EZH2: variants seen among roughly 807,000 people sequenced by gnomAD.
EZH2 encodes the protein histone-lysine N-methyltransferase EZH2.
Under a neutral mutation model 98.4 loss-of-function variants are expected in EZH2, and 18 were observed. The ratio of observed to expected loss-of-function variants is 0.18; its 90% confidence interval spans 0.13 to 0.27. The LOEUF (loss-of-function observed/expected upper bound fraction) is 0.27, where lower values mean the gene tolerates loss of function less well. EZH2 is among the 10% of genes least tolerant of loss of function. The pLI, the probability that EZH2 is intolerant of heterozygous loss-of-function variation, is 1.00. For missense variants in EZH2, 470 were observed against 935.1 expected (o/e 0.50, Z 6.49); for synonymous variants, 338 against 312.3 (o/e 1.08, Z -0.87).
intron 1 of EZH2, among the ~76,000 whole-genome samples, chr7:148,861,761 A>G (rs1156767920): frequency 6.6e-6 from 1 of 151,482 alleles, no homozygotes; most frequent in African/African-American, 2.4e-5. Context: ...ACTTGAGCCC[A>G]GGAGTTTCAG....
At chr7:148,812,938 A>G (rs1320608796) in intron 15 of EZH2, among the ~76,000 whole-genome samples, 1 of 152,172 alleles carries the variant, frequency 6.6e-6, no homozygotes, top group African/African-American at 2.4e-5. Context: ...AGAGAACTTC[A>G]ATGTTTTGCC....
At chr7:148,864,500 T>C (rs565341899) in intron 1 of EZH2, among the ~76,000 whole-genome samples, 1 of 151,626 alleles carries the variant, frequency 6.6e-6, no homozygotes, top group African/African-American at 2.4e-5. Flanking sequence ...CTGGACAATA[T>C]GGTGAAACCC....
chr7:148,871,001 C>A (rs1357527300), intron 1 of EZH2, among the ~76,000 whole-genome samples: 1 of 151,726 alleles, frequency 6.6e-6, no homozygotes, highest in Non-Finnish European at 1.5e-5. Context: ...TCTCCTTTTC[C>A]CATTTAACAA....
chr7:148,821,497 A>T (rs1360979896), intron 8 of EZH2, among the ~76,000 whole-genome samples: 1 of 152,044 alleles, frequency 6.6e-6, no homozygotes, highest in African/African-American at 2.4e-5. Flanking sequence ...CATACCACTA[A>T]TTTTTTTTAA....
chr7:148,857,750 CAAAT>C (rs559331887), intron 1 of EZH2, among the ~76,000 whole-genome samples: 42 of 151,462 alleles, frequency 2.8e-4, no homozygotes, highest in East Asian at 2.1e-3. Flanking sequence ...GACTCCGTCC[CAAAT>C]AAATAAATAA....
At chr7:148,822,208 T>G (rs967244393) in intron 8 of EZH2, among the ~76,000 whole-genome samples, 3 of 152,186 alleles carry the variant, frequency 2.0e-5, no homozygotes, top group African/African-American at 7.2e-5. Flanking sequence ...TTCAACTACT[T>G]TTTAAAAAAT....
In EZH2 at chr7:148,807,409, A is replaced by AGTT; in HGVS notation, c.*234_*236dup. The AGTT allele has an allele frequency of 2.0e-6, 1 of 504,312 alleles. No homozygotes were observed. Among genetic ancestry groups the AGTT allele is most frequent in the South Asian group, 3.1e-5 (1 of 32,464 alleles). 31.2% of individuals were successfully genotyped at this position (504,312 alleles called of 1,614,324 possible). A position where few individuals can be genotyped will look rare whatever the true frequency, so the allele number is the denominator to read the frequency against. ...ACAAGTTCAAGTATTCTTTATTCAA[A>AGTT]GTTGAAAAATGTACCATACTGCATT... On this transcript the variant is annotated 3_prime_UTR_variant, in exon 20 of 20. Coordinates refer to ENST00000320356, the MANE Select transcript of EZH2 (RefSeq NM_004456.5).
intron 14 of EZH2, 116 bp downstream of exon 14, chr7:148,814,798 G>A: frequency 8.0e-7 from 1 of 1,247,280 alleles, no homozygotes; most frequent in Non-Finnish European, 1.1e-6. Context: ...TCAAATTGAT[G>A]AGTTTCGTCA....
chr7:148,813,911 C>T (rs377398509), intron 15 of EZH2, 48 bp downstream of exon 15: 12 of 1,573,486 alleles, frequency 7.6e-6, no homozygotes, highest in Non-Finnish European at 1.0e-5. Context: ...ATTTGCATCA[C>T]TAAATAGCTA....
chr7:148,857,991 T>TAAA (rs573926320), intron 1 of EZH2, among the ~76,000 whole-genome samples: 1 of 144,652 alleles, frequency 6.9e-6, no homozygotes, highest in African/African-American at 2.5e-5. Context: ...AACATAGGAT[T>TAAA]AAAAAAAAAA....
chr7:148,834,485 C>G (rs1225150615), intron 3 of EZH2, among the ~76,000 whole-genome samples: 5 of 152,060 alleles, frequency 3.3e-5, no homozygotes, highest in Non-Finnish European at 7.4e-5. Flanking sequence ...ACACCTGACC[C>G]TCAGCATTGG....
In EZH2 at chr7:148,816,590, G is replaced by A. The variant is rs1191380791; in HGVS notation, c.1505+94C>T. 4.7e-6 allele frequency: 4 copies of A among 851,900 alleles called. No homozygotes were observed. The South Asian group carries it at 6.1e-5, about 13-fold the overall frequency. The allele number at this position is 851,900 out of a possible 1,614,324, so 52.8% of individuals were successfully genotyped here. ...GGCAGTTTAAGGTTTTTTAAAAATAGACTAAGTAGAAACCAACAACAGCCC... is the reference window on the plus strand; with the variant it reads ...GGCAGTTTAAGGTTTTTTAAAAATAAACTAAGTAGAAACCAACAACAGCCC... On this transcript the variant is annotated intron_variant, in intron 12 of 19. Transcript: ENST00000320356.
intron 1 of EZH2, among the ~76,000 whole-genome samples, chr7:148,880,865 G>A (rs754573524): frequency 6.6e-6 from 1 of 152,198 alleles, no homozygotes; most frequent in Non-Finnish European, 1.5e-5. Context: ...TCTACCAGGA[G>A]GCACTTTGAC....
intron 8 of EZH2, among the ~76,000 whole-genome samples, chr7:148,821,412 A>G (rs1806042224): frequency 6.6e-6 from 1 of 152,242 alleles, no homozygotes; most frequent in South Asian, 2.1e-4. Flanking sequence ...AGGTGATGGT[A>G]TGGTTAGTTA....
chr7:148,863,258 T>C (rs1377773911), intron 1 of EZH2, among the ~76,000 whole-genome samples: 1 of 152,102 alleles, frequency 6.6e-6, no homozygotes, highest in South Asian at 2.1e-4. Flanking sequence ...TATATTCAAA[T>C]TATATATTTC....
At chr7:148,863,096 A>AAAGAAAG (rs572993194) in intron 1 of EZH2, among the ~76,000 whole-genome samples, 20,236 of 141,950 alleles carry the variant, frequency 0.14, 1,513 homozygotes, top group East Asian at 0.22. Flanking sequence ...AAAAAAAAAA[A>AAAGAAAG]AAAGAAAGAA....
intron 3 of EZH2, among the ~76,000 whole-genome samples, chr7:148,841,693 C>G (rs533483399): frequency 1.3e-5 from 2 of 152,122 alleles, no homozygotes. Flanking sequence ...ATGAAATACA[C>G]TAGGATATTA....
rs141583753 is a variant in EZH2 at position 148,846,484 on chromosome 7, G to A, written c.232C>T (p.Arg78Cys). The change falls in exon 3 of 20, where the codon CGC becomes TGC. Residue 78 changes from arginine to cysteine, a missense_variant. By Grantham distance (180) the Arg-to-Cys change is radical. Transcript: ENST00000320356. ...TGTTAACCAACCTCCCTAGTCCCGC[G>A]CAATGAGCTCACAGAAGTCAGGATG... The part of the protein sequence containing the change: ...VHILTSVSSL[R>C]GTRECSVTSD... 6.2e-6 allele frequency: 10 copies of A among 1,613,180 alleles called. No homozygotes were observed. The African/African-American group carries it at 1.2e-4, about 19-fold the overall frequency.
chr7:148,847,327 T>G, intron 1 of EZH2, 22 bp from the exon 2 acceptor site: 2 of 1,611,862 alleles, frequency 1.2e-6, no homozygotes, highest in South Asian at 2.2e-5. Context: ...GGTTTCATAT[T>G]AAAATCACTA....
Sources: gnomAD v4.1 joint callset for allele counts (sites outside exome capture counted in the v4.1 genomes callset) on GRCh38, gnomAD v4.1.1 for gene constraint, MANE v1.5 for transcripts, NCBI Gene and HGNC (gene_info 2026-07-23, HGNC 2026-07-21) for gene names.